The following PCBD2 variants were observed in gnomAD, a reference collection of about 807,000 sequenced individuals.
PCBD2 encodes the protein pterin-4-alpha-carbinolamine dehydratase 2.
PCBD2 carries 12 observed loss-of-function variants against 16.4 expected under a neutral mutation model. That is an observed-to-expected ratio of 0.73 (90% CI 0.47 to 1.19). The LOEUF (loss-of-function observed/expected upper bound fraction) is 1.19. Ranked by LOEUF, PCBD2 falls within the 50% of genes most tolerant of loss-of-function variation. The pLI is 0.00. For synonymous variants in PCBD2, 58 were observed against 61.8 expected (o/e 0.94, Z 0.29); for missense variants, 138 against 156.8 (o/e 0.88, Z 0.64).
At position 134,910,470 on chromosome 5, in the gene PCBD2, A is replaced by T; in HGVS notation, c.216+4A>T. The T allele has an allele frequency of 6.2e-7, 1 of 1,613,834 alleles. No homozygotes were observed. The highest frequency in any genetic ancestry group is 8.5e-7 in the Non-Finnish European group (1 of 1,179,774). ...CTCCTTCCACAATTTTAATCAGGTA[A>T]TTGTTATAAATTCTTGCTAGGGCTG... On this transcript the variant is annotated splice_donor_region_variant and intron_variant, in intron 2 of 3. Transcript: ENST00000254908.
At chr5:134,908,080 C>T (rs548915458) in intron 1 of PCBD2, among the ~76,000 whole-genome samples, 9 of 151,810 alleles carry the variant, frequency 5.9e-5, no homozygotes, top group South Asian at 2.1e-4. Flanking sequence ...CCACCACACC[C>T]GGCTATTTTT....
chr5:134,949,264 A>G (rs1327806017), intron 2 of PCBD2, among the ~76,000 whole-genome samples: 1 of 152,170 alleles, frequency 6.6e-6, no homozygotes, highest in Non-Finnish European at 1.5e-5. Flanking sequence ...AGCCTTGTAA[A>G]GGTGAATTTC....
chr5:134,908,761 T>C (rs1473606255), intron 1 of PCBD2: 2 of 152,154 alleles, frequency 1.3e-5, no homozygotes, highest in Non-Finnish European at 2.9e-5. Flanking sequence ...GAAAACTGAT[T>C]TATTAGTATT....
chr5:134,949,286 A>G (rs1162238993), intron 2 of PCBD2, among the ~76,000 whole-genome samples: 1 of 152,100 alleles, frequency 6.6e-6, no homozygotes, highest in Admixed American at 6.5e-5. Flanking sequence ...TTGGCCTTCA[A>G]ATTGGTCTTC....
At chr5:134,959,821 A>C (rs1209592967) in intron 3 of PCBD2, among the ~76,000 whole-genome samples, 2 of 151,562 alleles carry the variant, frequency 1.3e-5, no homozygotes, top group Non-Finnish European at 2.9e-5. Flanking sequence ...TTTACTTTAT[A>C]ATCAGTTCAT....
chr5:134,915,597 G>A (rs1750822980), intron 2 of PCBD2, among the ~76,000 whole-genome samples: 1 of 151,678 alleles, frequency 6.6e-6, no homozygotes, highest in Non-Finnish European at 1.5e-5. Context: ...ACAGGTGTGT[G>A]CCACCATGCC....
intron 2 of PCBD2, chr5:134,927,730 G>T (rs1187376976): frequency 2.5e-6 from 1 of 398,220 alleles, no homozygotes; most frequent in Non-Finnish European, 4.4e-6. Context: ...AAGGAGATTT[G>T]TAGGGAGATT....
At chr5:134,926,571 A>C (rs1751000452) in intron 2 of PCBD2, 1 of 395,618 alleles carries the variant, frequency 2.5e-6, no homozygotes, top group Non-Finnish European at 4.5e-6. Context: ...ATGAGTTAGC[A>C]GTTCTTATGC....
intron 2 of PCBD2, among the ~76,000 whole-genome samples, chr5:134,935,144 T>C (rs543033432): frequency 6.6e-6 from 1 of 152,352 alleles, no homozygotes; most frequent in Admixed American, 6.5e-5. Context: ...CTGCACTGAT[T>C]GGATTCAGGT....
intron 2 of PCBD2, among the ~76,000 whole-genome samples, chr5:134,955,565 C>T (rs1271874730): frequency 1.3e-5 from 2 of 152,204 alleles, no homozygotes; most frequent in Non-Finnish European, 2.9e-5. Context: ...GCCTCTGCCT[C>T]CAAAAGTGCT....
At chr5:134,949,368 A>G (rs1751334592) in intron 2 of PCBD2, among the ~76,000 whole-genome samples, 1 of 152,178 alleles carries the variant, frequency 6.6e-6, no homozygotes, top group Non-Finnish European at 1.5e-5. Flanking sequence ...ATTGATGATG[A>G]TAATAATCAC....
intron 2 of PCBD2, among the ~76,000 whole-genome samples, chr5:134,938,161 C>T (rs759483709): frequency 1.3e-5 from 2 of 152,204 alleles, no homozygotes; most frequent in Non-Finnish European, 2.9e-5. Flanking sequence ...GGGCTTGAAG[C>T]TCTGCTTCTT....
intron 2 of PCBD2, chr5:134,925,751 T>C: frequency 2.5e-6 from 1 of 396,332 alleles, no homozygotes; most frequent in East Asian, 3.6e-5. Context: ...GGGCCTTCTA[T>C]GGCTGAGGGG....
intron 2 of PCBD2, among the ~76,000 whole-genome samples, chr5:134,948,480 T>C (rs1037019074): frequency 1.3e-5 from 2 of 152,152 alleles, no homozygotes; most frequent in Non-Finnish European, 2.9e-5. Context: ...ACCTGGAGAA[T>C]AGTGGATTTA....
At chr5:134,950,818 A>G (rs1432214900) in intron 2 of PCBD2, among the ~76,000 whole-genome samples, 1 of 152,208 alleles carries the variant, frequency 6.6e-6, no homozygotes, top group Non-Finnish European at 1.5e-5. Context: ...ATCAGCCATT[A>G]TACGTTATTT....
chr5:134,960,996 A>C lies in PCBD2; in HGVS notation c.*315A>C. On this transcript the variant is annotated 3_prime_UTR_variant, in exon 4 of 4. Transcript: ENST00000254908. ...TGGTCAGGCTGGTCTCGAACTCCTG[A>C]CCTCGTGATCCGCCTGCCTCAGCCT... The C allele has an allele frequency of 5.5e-6, 1 of 180,698 alleles. No individual in the cohort carries two copies. Among genetic ancestry groups the C allele is most frequent in the Non-Finnish European group, 1.2e-5 (1 of 86,352 alleles). 11.2% of individuals were successfully genotyped at this position (180,698 alleles called of 1,614,324 possible). A position where few individuals can be genotyped will look rare whatever the true frequency, so the allele number is the denominator to read the frequency against.
intron 2 of PCBD2, among the ~76,000 whole-genome samples, chr5:134,918,194 C>T (rs1750855432): frequency 6.6e-6 from 1 of 152,102 alleles, no homozygotes; most frequent in African/African-American, 2.4e-5. Flanking sequence ...GTGGCCTGGG[C>T]ATCATATAGG....
intron 2 of PCBD2, chr5:134,928,290 T>C (rs878980412): frequency 2.6e-6 from 1 of 388,362 alleles, no homozygotes; most frequent in Non-Finnish European, 4.6e-6. Flanking sequence ...AGTGAGATGG[T>C]AAATTCTAGT....
chr5:134,953,344 T>A (rs2149540165), intron 2 of PCBD2, among the ~76,000 whole-genome samples: 1 of 149,744 alleles, frequency 6.7e-6, no homozygotes, highest in South Asian at 2.1e-4. Context: ...TATAGGTATA[T>A]AACTTGATAG....
Sources: allele counts gnomAD v4.1 joint callset (sites outside exome capture counted in the v4.1 genomes callset), GRCh38; gene constraint gnomAD v4.1.1; transcripts MANE v1.5; gene names NCBI Gene and HGNC (gene_info 2026-07-23, HGNC 2026-07-21).